Variants in PCNX4 observed in about 807,000 individuals in gnomAD.
PCNX4 encodes the protein pecanex-like protein 4.
In PCNX4, 103 loss-of-function variants were observed where a neutral mutation model predicts 107.2. That is an observed-to-expected ratio of 0.96 (90% CI 0.82 to 1.13). PCNX4 has a LOEUF of 1.13. PCNX4 is among the 50% of genes most tolerant of loss of function. The pLI, the probability that PCNX4 is intolerant of heterozygous loss-of-function variation, is 0.00. For missense variants in PCNX4, 1,528 were observed against 1,379.4 expected, an observed-to-expected ratio of 1.11 and a Z score of -1.71; for synonymous variants, 541 against 481.7, an observed-to-expected ratio of 1.12 and a Z score of -1.61.
chr14:60,133,804 T>A, intron 10 of PCNX4, 166 bp from the exon 11 acceptor site: 1 of 699,598 alleles, frequency 1.4e-6, no homozygotes, highest in East Asian at 2.7e-5. Flanking sequence ...TGATTCTGAA[T>A]ACAGGCAACT....
rs760696911 is a variant in PCNX4 at position 60,107,713 on chromosome 14, T to C, written c.75T>C (p.Leu25=). ...FFLKRFPQTV[L]GGPRFKLGYC... is the part of the protein sequence containing the mutation. ...TGAAGCGCTTTCCACAGACTGTTCTTGGAGGCCCTCGATTCAAATTAGGCT... is the reference window on the plus strand; with the variant it reads ...TGAAGCGCTTTCCACAGACTGTTCTCGGAGGCCCTCGATTCAAATTAGGCT... Residue 25 remains leucine (L), a synonymous_variant, in exon 2 of 11, where the codon CTT becomes CTC. Coordinates refer to ENST00000406854, the MANE Select transcript of PCNX4 (RefSeq NM_001330177.2). 3 of 1,612,872 alleles carry C rather than the reference T, an allele frequency of 1.9e-6. No individual in the cohort carries two copies. The South Asian group carries it at 3.3e-5, about 18-fold the overall frequency.
In PCNX4 at chr14:60,134,456, C is replaced by A; in HGVS notation, c.*235C>A. The A allele has an allele frequency of 2.3e-6, 1 of 439,824 alleles. No homozygotes were observed. Among genetic ancestry groups the A allele is most frequent in the Non-Finnish European group, 4.0e-6 (1 of 250,776 alleles). 27.2% of individuals were successfully genotyped at this position (439,824 alleles called of 1,614,324 possible). A position where few individuals can be genotyped will look rare whatever the true frequency, so the allele number is the denominator to read the frequency against. On this transcript the variant is annotated 3_prime_UTR_variant, in exon 11 of 11. Transcript: ENST00000406854. The stretch of plus-strand genomic sequence containing the variant: ...TTGGCCAATATTTGTGCCCTCTGGA[C>A]TTTAGTAGGCTTTGGTAAATGTGAG...
At position 60,118,417 on chromosome 14, in the gene PCNX4, A is replaced by C. The variant is rs1375000326; in HGVS notation, c.1667A>C (p.Lys556Thr). The C allele has an allele frequency of 6.2e-7, 1 of 1,613,514 alleles. No homozygotes were observed. The highest frequency in any genetic ancestry group is 1.1e-5 in the South Asian group (1 of 91,034). Residue 556 changes from lysine to threonine, a missense_variant, in exon 7 of 11, where the codon AAA becomes ACA. By Grantham distance (78) the Lys-to-Thr change is moderately conservative. Transcript: ENST00000406854. The part of the protein sequence containing the change: ...TVLLTSWTEK[K>T]QRRKTTATLC... ...CTTTTGACATCATGGACAGAGAAAAAACAACGTCGAAAAACAACTGCCACT... is the reference window on the plus strand; with the variant it reads ...CTTTTGACATCATGGACAGAGAAAACACAACGTCGAAAAACAACTGCCACT...
intron 1 of PCNX4, among the ~76,000 whole-genome samples, chr14:60,097,353 C>T (rs903114228): frequency 6.6e-6 from 1 of 152,118 alleles, no homozygotes; most frequent in Non-Finnish European, 1.5e-5. Flanking sequence ...CCCCTGAGAG[C>T]CCAAAGGAAC....
In PCNX4 at chr14:60,092,288, C is replaced by A. The variant is rs1205224163; in HGVS notation, c.-185C>A. ...GGGCCGCGGTGAGCTCGTTATTCGG[C>A]CGCCGCAGCTTTTCTGCCTCCGCAT... On this transcript the variant is annotated 5_prime_UTR_variant, in exon 1 of 11. Coordinates refer to ENST00000406854, the MANE Select transcript of PCNX4 (RefSeq NM_001330177.2). The A allele has an allele frequency of 2.0e-5, 3 of 152,298 alleles. No individual in the cohort carries two copies. Among genetic ancestry groups the A allele is most frequent in the South Asian group, 2.1e-4 (1 of 4,838 alleles). 9.4% of individuals were successfully genotyped at this position (152,298 alleles called of 1,614,324 possible).
chr14:60,106,079 G>A (rs1279990787), intron 1 of PCNX4, among the ~76,000 whole-genome samples: 4 of 152,010 alleles, frequency 2.6e-5, no homozygotes, highest in Admixed American at 6.6e-5. Context: ...AAGCTCGTAC[G>A]GAGGGGAAGG....
chr14:60,118,233 A>T, intron 6 of PCNX4, 96 bp from the exon 7 acceptor site: 1 of 1,320,220 alleles, frequency 7.6e-7, no homozygotes, highest in Non-Finnish European at 9.8e-7. Context: ...ATACTGGGGC[A>T]ATAATAAAAT....
At chr14:60,125,529 G>T in intron 9 of PCNX4, 108 bp from the exon 10 acceptor site, 2 of 841,476 alleles carry the variant, frequency 2.4e-6, no homozygotes, top group Non-Finnish European at 3.4e-6. Flanking sequence ...ATCTGAAATA[G>T]ATATGATTTC....
rs750336099 is a variant in PCNX4, at chr14:60,114,820, G to A, written c.810G>A (p.Trp270Ter). ...CCCCACCCGATGCACTTCTCTTATG[G>A]GCAATGGAGCAGGTTTTAGAGTTCG... ...TLPPPDALLL[W>*]AMEQVLEFGL... The change falls in exon 3 of 11, where the codon TGG (tryptophan) becomes TGA (stop). Residue 270 changes from tryptophan to a stop codon, truncating the protein, a stop_gained. Coordinates refer to ENST00000406854, the MANE Select transcript of PCNX4 (RefSeq NM_001330177.2). LOFTEE classifies it high-confidence loss of function. 2 of 1,613,790 alleles carry A rather than the reference G, an allele frequency of 1.2e-6. No individual in the cohort carries two copies. The highest frequency in any genetic ancestry group is 1.7e-5 in the Admixed American group (1 of 60,002).
chr14:60,091,953 G>C lies in PCNX4; in HGVS notation c.-520G>C, dbSNP rs947175973. 20 of 152,434 alleles carry C rather than the reference G, an allele frequency of 1.3e-4. No homozygotes were observed. Among genetic ancestry groups the C allele is most frequent in the African/African-American group, 4.8e-4 (20 of 41,472 alleles). The allele number at this position is 152,434 out of a possible 1,614,324, so 9.4% of individuals were successfully genotyped here. On this transcript the variant is annotated 5_prime_UTR_variant, in exon 1 of 11. Transcript: ENST00000406854. Reference sequence around the variant, plus strand: ...AAGGCCCGGCCCAAGGGAACGTTCAGGGCGTCTCGGCTTTCCCCGCTGCTG... The same window carrying C: ...AAGGCCCGGCCCAAGGGAACGTTCACGGCGTCTCGGCTTTCCCCGCTGCTG...
rs2140574285 is a variant in PCNX4, at chr14:60,137,046, T to C, written c.*2825T>C. 1 of 152,380 alleles carries C rather than the reference T, an allele frequency of 6.6e-6. No individual in the cohort carries two copies. The highest frequency in any genetic ancestry group is 1.9e-4 in the East Asian group (1 of 5,194). 9.4% of individuals were successfully genotyped at this position (152,380 alleles called of 1,614,324 possible). ...CTTTTAGTGGTGCATTCATACCAAC[T>C]ATTTCAGAGAACTAGCAATGCCAGG... On this transcript the variant is annotated 3_prime_UTR_variant, in exon 11 of 11. Coordinates refer to ENST00000406854, the MANE Select transcript of PCNX4 (RefSeq NM_001330177.2).
chr14:60,133,172 G>A (rs1896185076), intron 10 of PCNX4, among the ~76,000 whole-genome samples: 1 of 152,100 alleles, frequency 6.6e-6, no homozygotes, highest in African/African-American at 2.4e-5. Flanking sequence ...ATTCTTAATT[G>A]CTGTAAGGTG....
chr14:60,118,297 G>A (rs1303558643), intron 6 of PCNX4, 32 bp from the exon 7 acceptor site: 1 of 1,514,752 alleles, frequency 6.6e-7, no homozygotes, highest in East Asian at 2.4e-5. Context: ...ATCTTCTAAG[G>A]ATAAATAAAA....
At position 60,141,671 on chromosome 14, in the gene PCNX4, T is replaced by A. The variant is rs971304756; in HGVS notation, c.*7450T>A. The A allele has an allele frequency of 1.3e-5, 2 of 152,260 alleles. No homozygotes were observed. The highest frequency in any genetic ancestry group is 2.9e-5 in the Non-Finnish European group (2 of 68,044). 9.4% of individuals were successfully genotyped at this position (152,260 alleles called of 1,614,324 possible). A position where few individuals can be genotyped will look rare whatever the true frequency, so the allele number is the denominator to read the frequency against. On this transcript the variant is annotated 3_prime_UTR_variant, in exon 11 of 11. Transcript: ENST00000406854. Reference sequence around the variant, plus strand: ...TCCAGACCCAGATGCCCTGGCTTCTTTGAGGTTCTTCCATGTTGTTTTATG... The same window carrying A: ...TCCAGACCCAGATGCCCTGGCTTCTATGAGGTTCTTCCATGTTGTTTTATG...
At chr14:60,123,012 G>T (rs775998859) in intron 8 of PCNX4, among the ~76,000 whole-genome samples, 2 of 152,042 alleles carry the variant, frequency 1.3e-5, no homozygotes, top group Non-Finnish European at 1.5e-5. Flanking sequence ...TCTAGGGGTG[G>T]GATCAGCAAC....
intron 1 of PCNX4, among the ~76,000 whole-genome samples, chr14:60,101,478 A>T (rs1413122826): frequency 6.6e-6 from 1 of 152,248 alleles, no homozygotes; most frequent in Non-Finnish European, 1.5e-5. Flanking sequence ...CCACAGATCT[A>T]TTAGTCTCCT....
rs1689111526 is a variant in PCNX4 at position 60,148,027 on chromosome 14, CTG to C, written c.*13808_*13809del. 1 of 152,226 alleles carries C rather than the reference CTG, an allele frequency of 6.6e-6. No homozygotes were observed. Among genetic ancestry groups the C allele is most frequent in the African/African-American group, 2.4e-5 (1 of 41,448 alleles). The allele number at this position is 152,226 out of a possible 1,614,324, so 9.4% of individuals were successfully genotyped here. Reference sequence around the variant, plus strand: ...CATAAGGGATCTGGCCCAAAGCAAACTGTTCCACATTACTACTTGGTAGAAAA... The same window carrying C: ...CATAAGGGATCTGGCCCAAAGCAAACTTCCACATTACTACTTGGTAGAAAA... On this transcript the variant is annotated 3_prime_UTR_variant, in exon 11 of 11. Transcript: ENST00000406854. The surrounding 1 kb of genome is among the most constrained non-coding windows in gnomAD (Gnocchi z 4.8).
At chr14:60,117,684 G>A (rs986636018) in intron 6 of PCNX4, among the ~76,000 whole-genome samples, 1 of 152,120 alleles carries the variant, frequency 6.6e-6, no homozygotes, top group Admixed American at 6.5e-5. Context: ...CCAGCACTTT[G>A]GGAGGCTGAG....
intron 2 of PCNX4, among the ~76,000 whole-genome samples, chr14:60,111,368 G>A (rs1895737881): frequency 6.6e-6 from 1 of 152,152 alleles, no homozygotes; most frequent in Non-Finnish European, 1.5e-5. Flanking sequence ...AACGTAAGGG[G>A]AGGATTAATC....
Sources: allele counts gnomAD v4.1 joint callset (sites outside exome capture counted in the v4.1 genomes callset), GRCh38; gene constraint gnomAD v4.1.1; non-coding constraint Gnocchi (gnomAD v3.1); transcripts MANE v1.5; gene names NCBI Gene and HGNC (gene_info 2026-07-23, HGNC 2026-07-21).